Variants in AFAP1 observed in about 807,000 individuals in gnomAD.
AFAP1 encodes the protein actin filament-associated protein 1.
A neutral mutation model predicts 93.9 loss-of-function variants in AFAP1; 75 were observed. The ratio of observed to expected loss-of-function variants is 0.80; its 90% CI spans 0.66 to 0.97. The LOEUF (loss-of-function observed/expected upper bound fraction) is 0.97, where lower values mean the gene tolerates loss of function less well. AFAP1 is among the 50% of genes least tolerant of loss of function. The pLI is 0.00. For synonymous variants in AFAP1, 517 were observed against 430.7 expected, an observed-to-expected ratio of 1.20 and a Z score of -2.48; for missense variants, 1,201 against 1,050.8, an observed-to-expected ratio of 1.14 and a Z score of -1.98.
At chr4:7,915,477 T>A (rs200743850) in intron 1 of AFAP1, among the ~76,000 whole-genome samples, 1 of 147,032 alleles carries the variant, frequency 6.8e-6, no homozygotes, top group Non-Finnish European at 1.5e-5. Context: ...AAACCCCATC[T>A]AAAAAAAAAA....
In AFAP1 at chr4:7,880,276, G is replaced by GC. The variant is rs758262897; in HGVS notation, c.-2-8197dup. Among the ~76,000 whole-genome samples the GC allele has an allele frequency of 2.6e-3, 326 of 123,092 alleles. 1 individual carries two copies. The highest frequency in any genetic ancestry group is 8.8e-3 in the Middle Eastern group (2 of 228). The allele number at this position is 123,092 out of a possible 152,430, so 80.8% of individuals were successfully genotyped here. On this transcript the variant is annotated intron_variant, in intron 1 of 17. Transcript: ENST00000420658. ...CTAGGAGGGACCCTGGAACCCAAAT[G>GC]CCTTTTTTTTTTTTTTTTTTTGAGA...
At chr4:7,854,366 G>A (rs931550385) in intron 4 of AFAP1, among the ~76,000 whole-genome samples, 2 of 152,148 alleles carry the variant, frequency 1.3e-5, no homozygotes, top group Non-Finnish European at 2.9e-5. Context: ...ACAGGCAAGC[G>A]GGAGCAGCTG....
intron 9 of AFAP1, among the ~76,000 whole-genome samples, chr4:7,804,066 CTA>C (rs769561123): frequency 6.6e-6 from 1 of 152,282 alleles, no homozygotes; most frequent in Non-Finnish European, 1.5e-5. Context: ...TCTAAGGAGT[CTA>C]GAGTCAGGGG....
At chr4:7,867,967 TG>T (rs898582009) in intron 3 of AFAP1, among the ~76,000 whole-genome samples, 4 of 152,182 alleles carry the variant, frequency 2.6e-5, no homozygotes, top group African/African-American at 9.7e-5. Flanking sequence ...GAATTGCTAC[TG>T]ATTTTGCCCT....
intron 4 of AFAP1, among the ~76,000 whole-genome samples, chr4:7,844,139 G>A (rs1206339088): frequency 1.3e-5 from 2 of 152,008 alleles, no homozygotes; most frequent in African/African-American, 4.8e-5. Flanking sequence ...GCTATGGACT[G>A]AACTGTGTCC....
rs1282615052 is a variant in AFAP1 at position 7,868,642 on chromosome 4, C to T, written c.205G>A (p.Glu69Lys). Residue 69 changes from glutamate (E) to lysine (K), a missense_variant, in exon 3 of 18, where the codon GAG becomes AAG. Physicochemically the swap from Glu to Lys is moderately conservative, Grantham distance 56 (BLOSUM62 1). Transcript: ENST00000420658. ...CTCACCAGCCAGGGCTGAGGGATCT[C>T]CGGCAGGGGCATCTGAGGAGGGGCT... ...LPAPPQMPLP[E>K]IPQPWLPPDS... 1 of 1,612,472 alleles carries T rather than the reference C, an allele frequency of 6.2e-7. No homozygotes were observed. Among genetic ancestry groups the T allele is most frequent in the Non-Finnish European group, 8.5e-7 (1 of 1,179,776 alleles).
At chr4:7,900,615 C>A (rs1719061821) in intron 1 of AFAP1, among the ~76,000 whole-genome samples, 2 of 152,232 alleles carry the variant, frequency 1.3e-5, no homozygotes, top group Non-Finnish European at 1.5e-5. Context: ...TATAACCAAA[C>A]TACCTCTAAC....
chr4:7,769,367 G>T (rs983411326), intron 16 of AFAP1, among the ~76,000 whole-genome samples: 1 of 152,330 alleles, frequency 6.6e-6, no homozygotes, highest in South Asian at 2.1e-4. Flanking sequence ...GTGCTTTAAG[G>T]TTTTGAGCTT....
intron 6 of AFAP1, among the ~76,000 whole-genome samples, chr4:7,824,347 C>A (rs1037135827): frequency 1.3e-5 from 2 of 152,136 alleles, no homozygotes; most frequent in Non-Finnish European, 2.9e-5. Context: ...GGAAATCTGA[C>A]CACTCCGTTT....
At chr4:7,795,213 A>C (rs1054612004) in intron 10 of AFAP1, among the ~76,000 whole-genome samples, 3 of 152,104 alleles carry the variant, frequency 2.0e-5, no homozygotes, top group Admixed American at 2.0e-4. Context: ...CATATAACAA[A>C]TCATTACTAA....
rs1435255817 is a variant in AFAP1 at position 7,809,455 on chromosome 4, A to T, written c.1054+159T>A. On this transcript the variant is annotated intron_variant, in intron 9 of 17. Coordinates refer to ENST00000420658, the MANE Select transcript of AFAP1 (RefSeq NM_001134647.2). ...TTGTATGAATAAGAGGCAAAAATGT[A>T]AACATTTAATACATTTCCCACTATC... 1.1e-5 allele frequency: 9 copies of T among 814,466 alleles called. No homozygotes were observed. In the South Asian group the frequency reaches 3.0e-4, roughly 27 times the overall value. 50.5% of individuals were successfully genotyped at this position (814,466 alleles called of 1,614,324 possible). A position where few individuals can be genotyped will look rare whatever the true frequency, so the allele number is the denominator to read the frequency against.
rs533394382 is a variant in AFAP1 at position 7,904,371 on chromosome 4, T to A, written c.-2-32291A>T. Among the ~76,000 whole-genome samples, 4 of 152,276 alleles carry A rather than the reference T, an allele frequency of 2.6e-5. No individual in the cohort carries two copies. The South Asian group carries it at 8.3e-4, about 32-fold the overall frequency. Reference sequence around the variant, plus strand: ...CCAAAATACTTTCTCCATCACACTATCTATATGGAATTCAAGTTCCTTCCA... The same window carrying A: ...CCAAAATACTTTCTCCATCACACTAACTATATGGAATTCAAGTTCCTTCCA... On this transcript the variant is annotated intron_variant, in intron 1 of 17. Coordinates refer to ENST00000420658, the MANE Select transcript of AFAP1 (RefSeq NM_001134647.2).
At chr4:7,817,745 CTAA>C (rs957748815) in intron 7 of AFAP1, among the ~76,000 whole-genome samples, 1 of 140,114 alleles carries the variant, frequency 7.1e-6, no homozygotes, top group Non-Finnish European at 1.5e-5. Context: ...TGGAAATTTG[CTAA>C]TAATATAAAG....
At chr4:7,853,977 G>A (rs143299860) in intron 4 of AFAP1, among the ~76,000 whole-genome samples, 2 of 152,316 alleles carry the variant, frequency 1.3e-5, no homozygotes, top group African/African-American at 2.4e-5. Context: ...TGCCAGCTAC[G>A]TGCAGCTCCT....
intron 1 of AFAP1, among the ~76,000 whole-genome samples, chr4:7,885,763 T>C (rs1421716111): frequency 6.6e-6 from 1 of 152,242 alleles, no homozygotes; most frequent in Non-Finnish European, 1.5e-5. Flanking sequence ...AGTAACCATG[T>C]CTTTTGTGAT....
chr4:7,847,100 C>A (rs1713791534), intron 4 of AFAP1, among the ~76,000 whole-genome samples: 1 of 152,206 alleles, frequency 6.6e-6, no homozygotes, highest in Non-Finnish European at 1.5e-5. Flanking sequence ...CAAGGAACAG[C>A]CAGAAGTCAC....
Position 7,872,049 on chromosome 4 carries a change from G to C in AFAP1, c.30C>G (p.Leu10=), listed in dbSNP as rs751425378. The C allele has an allele frequency of 3.1e-6, 5 of 1,613,984 alleles. No homozygotes were observed. Among genetic ancestry groups the C allele is most frequent in the African/African-American group, 1.3e-5 (1 of 74,922 alleles). MEELIVELR[L]FLELLDHEYL... ...ATTCATGGTCCAGGAGTTCAAGAAA[G>C]AGACGAAGTTCAACTATTAACTCTT... Residue 10 remains leucine (L), a synonymous_variant, in exon 2 of 18, where the codon CTC becomes CTG. Transcript: ENST00000420658.
At chr4:7,910,038 G>C (rs540295794) in intron 1 of AFAP1, among the ~76,000 whole-genome samples, 1 of 152,110 alleles carries the variant, frequency 6.6e-6, no homozygotes, top group Non-Finnish European at 1.5e-5. Context: ...AAATTGCCGG[G>C]TGAAAAAAAT....
intron 1 of AFAP1, among the ~76,000 whole-genome samples, chr4:7,924,490 T>C (rs1284293158): frequency 6.6e-6 from 1 of 152,210 alleles, no homozygotes; most frequent in Non-Finnish European, 1.5e-5. Context: ...GTTGAAGATT[T>C]CCTATTTTAA....
Sources: gnomAD v4.1 joint callset for allele counts (sites outside exome capture counted in the v4.1 genomes callset) on GRCh38, gnomAD v4.1.1 for gene constraint, MANE v1.5 for transcripts, NCBI Gene and HGNC (gene_info 2026-07-23, HGNC 2026-07-21) for gene names.